ZFPM2: variants seen among roughly 807,000 people sequenced by gnomAD.
The protein encoded by ZFPM2 is zinc finger protein ZFPM2.
A neutral mutation model predicts 98.6 loss-of-function variants in ZFPM2; 20 were observed. That is an observed-to-expected ratio of 0.20 (90% CI 0.14 to 0.29). ZFPM2 has a LOEUF of 0.29. Among genes scored for constraint, ZFPM2 ranks in the 10% least tolerant of loss-of-function variants. The pLI is 1.00. For synonymous variants in ZFPM2, 518 were observed against 502.7 expected (o/e 1.03, Z -0.41); for missense variants, 1,310 against 1,388.6 (o/e 0.94, Z 0.90).
chr8:105,639,237 A>T (rs927469500), intron 5 of ZFPM2, among the ~76,000 whole-genome samples: 3 of 152,102 alleles, frequency 2.0e-5, no homozygotes, highest in African/African-American at 7.2e-5. Flanking sequence ...TGACCTTTTC[A>T]TATGAAAAAC....
intron 3 of ZFPM2, among the ~76,000 whole-genome samples, chr8:105,539,074 A>G (rs1814521713): frequency 6.6e-6 from 1 of 152,046 alleles, no homozygotes. Flanking sequence ...AAACAATGAG[A>G]TGGTTCATAT....
At chr8:105,709,092 C>T (rs187715840) in intron 5 of ZFPM2, among the ~76,000 whole-genome samples, 1 of 152,118 alleles carries the variant, frequency 6.6e-6, no homozygotes, top group South Asian at 2.1e-4. Flanking sequence ...AGAACCTGAA[C>T]AAGATGGGCT....
chr8:105,342,753 T>G (rs112217771), intron 1 of ZFPM2, among the ~76,000 whole-genome samples: 176 of 152,196 alleles, frequency 1.2e-3, no homozygotes, highest in Non-Finnish European at 1.3e-3. Context: ...AATTACAATT[T>G]TGTTGATTCT....
intron 5 of ZFPM2, among the ~76,000 whole-genome samples, chr8:105,653,100 A>T (rs1476684733): frequency 6.6e-6 from 1 of 152,226 alleles, no homozygotes; most frequent in East Asian, 1.9e-4. Context: ...TTGCATTTTG[A>T]CTAGAGATAC....
intron 3 of ZFPM2, among the ~76,000 whole-genome samples, chr8:105,459,408 T>C (rs546053242): frequency 1.3e-5 from 2 of 152,236 alleles, no homozygotes; most frequent in South Asian, 2.1e-4. Flanking sequence ...AAGAGACTGA[T>C]TGGCATATGT....
chr8:105,581,105 A>G (rs1038034393), intron 4 of ZFPM2, among the ~76,000 whole-genome samples: 1 of 152,092 alleles, frequency 6.6e-6, no homozygotes, highest in African/African-American at 2.4e-5. Flanking sequence ...AATCTCAGTA[A>G]GTAGCAATGG....
At position 105,652,314 on chromosome 8, in the gene ZFPM2, A is replaced by G. The variant is rs1320043704; in HGVS notation, c.532+17957A>G. On this transcript the variant is annotated intron_variant, in intron 5 of 7. Coordinates refer to ENST00000407775, the MANE Select transcript of ZFPM2 (RefSeq NM_012082.4). ...ATTTTTGAAGCCTATTTTTAAAATTAAAACGTCACCTTATATGCCTGACAT... is the reference window on the plus strand; with the variant it reads ...ATTTTTGAAGCCTATTTTTAAAATTGAAACGTCACCTTATATGCCTGACAT... Among the ~76,000 whole-genome samples, 3 of 72,688 alleles carry G rather than the reference A, an allele frequency of 4.1e-5. No homozygotes were observed. The Admixed American group carries it at 4.2e-4, about 10-fold the overall frequency. The allele number at this position is 72,688 out of a possible 152,430, so 47.7% of individuals were successfully genotyped here. A position where few individuals can be genotyped will look rare whatever the true frequency, so the allele number is the denominator to read the frequency against.
Position 105,403,980 on chromosome 8 carries a change from T to C in ZFPM2, c.41-15164T>C, listed in dbSNP as rs1351932676. ...TAGTGATGCTAAGGGACTTTGATGG[T>C]TATTGGTGTTAAAACAACAACAACA... On this transcript the variant is annotated intron_variant, in intron 1 of 7. Coordinates refer to ENST00000407775, the MANE Select transcript of ZFPM2 (RefSeq NM_012082.4). Among the ~76,000 whole-genome samples, 3 of 144,696 alleles carry C rather than the reference T, an allele frequency of 2.1e-5. No individual in the cohort carries two copies. The Admixed American group carries it at 2.2e-4, about 10-fold the overall frequency. 94.9% of individuals were successfully genotyped at this position (144,696 alleles called of 152,430 possible).
chr8:105,789,403 AG>A (rs1230127776), intron 6 of ZFPM2, among the ~76,000 whole-genome samples: 4 of 152,226 alleles, frequency 2.6e-5, no homozygotes, highest in Admixed American at 1.3e-4. Flanking sequence ...GTCCCTACAA[AG>A]GACATGAACT....
At chr8:105,765,283 A>G (rs939284448) in intron 5 of ZFPM2, among the ~76,000 whole-genome samples, 5 of 151,920 alleles carry the variant, frequency 3.3e-5, no homozygotes, top group Non-Finnish European at 5.9e-5. Context: ...TTAATCTAGT[A>G]CGTAAAATGG....
intron 5 of ZFPM2, among the ~76,000 whole-genome samples, chr8:105,737,117 G>T (rs1318671991): frequency 6.6e-6 from 1 of 151,998 alleles, no homozygotes; most frequent in African/African-American, 2.4e-5. Context: ...CACCATGTCA[G>T]ACTTGGAGAA....
At chr8:105,482,982 C>T (rs1377114687) in intron 3 of ZFPM2, among the ~76,000 whole-genome samples, 7 of 124,186 alleles carry the variant, frequency 5.6e-5, no homozygotes, top group Non-Finnish European at 1.2e-4. Flanking sequence ...TCCCTCCCTC[C>T]CTCCCCCCAT....
chr8:105,424,588 G>A (rs1440587794), intron 2 of ZFPM2, among the ~76,000 whole-genome samples: 4 of 151,942 alleles, frequency 2.6e-5, no homozygotes, highest in South Asian at 2.1e-4. Flanking sequence ...CATAAAAAAT[G>A]TAAAGCATAT....
chr8:105,571,909 A>G (rs1234803367), intron 4 of ZFPM2, among the ~76,000 whole-genome samples: 1 of 152,044 alleles, frequency 6.6e-6, no homozygotes, highest in Non-Finnish European at 1.5e-5. Context: ...GGCATTGACA[A>G]CCTTTATTAT....
At chr8:105,532,764 A>T (rs1814323662) in intron 3 of ZFPM2, among the ~76,000 whole-genome samples, 1 of 152,154 alleles carries the variant, frequency 6.6e-6, no homozygotes, top group Non-Finnish European at 1.5e-5. Context: ...TGGGGGTACA[A>T]GGTACCTGCT....
chr8:105,711,363 A>C (rs1811392425), intron 5 of ZFPM2, among the ~76,000 whole-genome samples: 1 of 152,026 alleles, frequency 6.6e-6, no homozygotes, highest in Admixed American at 6.6e-5. Context: ...TTGCCCAACT[A>C]TCTGTATTAT....
intron 4 of ZFPM2, among the ~76,000 whole-genome samples, chr8:105,570,512 G>C (rs1815331891): frequency 6.6e-6 from 1 of 152,146 alleles, no homozygotes. Flanking sequence ...GGGATTTGCT[G>C]TGTTATAATG....
intron 5 of ZFPM2, among the ~76,000 whole-genome samples, chr8:105,710,612 A>C (rs1021284897): frequency 4.6e-5 from 7 of 151,954 alleles, no homozygotes; most frequent in African/African-American, 1.5e-4. Context: ...TATTTTAAAT[A>C]TTGGAACTCT....
chr8:105,346,748 G>A (rs934565846), intron 1 of ZFPM2, among the ~76,000 whole-genome samples: 1 of 152,158 alleles, frequency 6.6e-6, no homozygotes, highest in Non-Finnish European at 1.5e-5. Flanking sequence ...CACTGCAATT[G>A]ACAGCCAATA....
Sources: allele counts gnomAD v4.1 joint callset (sites outside exome capture counted in the v4.1 genomes callset), GRCh38; gene constraint gnomAD v4.1.1; transcripts MANE v1.5; gene names NCBI Gene and HGNC (gene_info 2026-07-23, HGNC 2026-07-21).